Variants in TAB3 observed in about 807,000 individuals in gnomAD.
TAB3 encodes TGF-beta activated kinase 1 (MAP3K7) binding protein 3.
TAB3 carries 18 observed loss-of-function variants against 48.1 expected under a neutral mutation model. The observed-to-expected ratio is 0.37, with a 90% confidence interval of 0.26 to 0.55. The LOEUF is 0.55. Among genes scored for constraint, TAB3 ranks in the 20% least tolerant of loss-of-function variants. The pLI, the probability that TAB3 is intolerant of heterozygous loss-of-function variation, is 0.78. For synonymous variants in TAB3, 185 were observed against 190.2 expected, an observed-to-expected ratio of 0.97 and a Z score of 0.22; for missense variants, 414 against 549.8, an observed-to-expected ratio of 0.75 and a Z score of 2.47.
chrX:30,833,591 G>T (rs1303199782), intron 10 of TAB3, among the ~76,000 whole-genome samples: 1 of 110,311 alleles, frequency 9.1e-6, no homozygotes, highest in Admixed American at 9.6e-5. Context: ...CAGCACTTTG[G>T]GAGGCTGAGG....
chrX:30,863,074 A>G (rs1939297337), intron 4 of TAB3, among the ~76,000 whole-genome samples: 1 of 112,762 alleles, frequency 8.9e-6, no homozygotes, highest in South Asian at 3.6e-4. Flanking sequence ...AAAAATGGCT[A>G]CCATCTGAAA....
At chrX:30,844,022 A>G (rs147280760) in intron 8 of TAB3, 16 of 110,402 alleles carry the variant, frequency 1.4e-4, no homozygotes, top group African/African-American at 4.0e-4. Context: ...AAAAATCACA[A>G]AAAAGCTGGT....
intron 10 of TAB3, among the ~76,000 whole-genome samples, chrX:30,832,747 G>C (rs1266808748): frequency 9.0e-6 from 1 of 111,525 alleles, no homozygotes; most frequent in Admixed American, 9.5e-5. Flanking sequence ...GGATATAACA[G>C]AAAATTACTG....
intron 7 of TAB3, among the ~76,000 whole-genome samples, chrX:30,848,845 G>A (rs1232649858): frequency 2.7e-5 from 3 of 110,136 alleles, no homozygotes; most frequent in Non-Finnish European, 5.7e-5. Flanking sequence ...GACCACTGAT[G>A]TTCTTTGGTG....
At chrX:30,848,382 C>T (rs1307931530) in intron 7 of TAB3, among the ~76,000 whole-genome samples, 3 of 111,153 alleles carry the variant, frequency 2.7e-5, no homozygotes, top group South Asian at 3.8e-4. Context: ...ATTAGCTGGG[C>T]GTGGTGGTGC....
At chrX:30,853,656 C>CT (rs756064074) in intron 6 of TAB3, among the ~76,000 whole-genome samples, 36 of 112,493 alleles carry the variant, frequency 3.2e-4, no homozygotes, top group African/African-American at 1.2e-3. Context: ...ATACATGACT[C>CT]TGAAGCACTA....
At chrX:30,863,416 G>A (rs1288250515) in intron 4 of TAB3, among the ~76,000 whole-genome samples, 2 of 111,992 alleles carry the variant, frequency 1.8e-5, no homozygotes, top group Non-Finnish European at 3.8e-5. Flanking sequence ...TTGGATGTTT[G>A]TCCCCTCCAA....
chrX:30,856,897 C>G (rs930451296), intron 5 of TAB3, among the ~76,000 whole-genome samples: 3 of 111,188 alleles, frequency 2.7e-5, no homozygotes, highest in Non-Finnish European at 5.7e-5. Context: ...TCTTATTCTC[C>G]TGAGTCCCAG....
intron 5 of TAB3, among the ~76,000 whole-genome samples, chrX:30,858,908 A>G (rs1428598651): frequency 9.0e-6 from 1 of 111,596 alleles, no homozygotes; most frequent in African/African-American, 3.3e-5. Flanking sequence ...TTAAAATTAG[A>G]TATCGGTAAG....
intron 1 of TAB3, among the ~76,000 whole-genome samples, chrX:30,879,339 C>T (rs946464448): frequency 3.6e-5 from 4 of 111,786 alleles, no homozygotes; most frequent in Non-Finnish European, 7.5e-5. Context: ...AAGGACAGTA[C>T]AAGAAAAACA....
intron 7 of TAB3, among the ~76,000 whole-genome samples, chrX:30,851,272 CCT>C (rs1217889444): frequency 2.7e-5 from 3 of 111,647 alleles, no homozygotes; most frequent in Non-Finnish European, 5.6e-5. Context: ...CCACTTGTTC[CCT>C]GTTACCAGGA....
chrX:30,852,988 A>G, intron 6 of TAB3, 50 bp from the exon 7 acceptor site: 1 of 1,169,394 alleles, frequency 8.6e-7, no homozygotes, highest in Non-Finnish European at 1.2e-6. Context: ...TGAACAAGCG[A>G]CTGGAAAATT....
chrX:30,883,314 C>T (rs1171049383), intron 1 of TAB3, among the ~76,000 whole-genome samples: 1 of 111,695 alleles, frequency 9.0e-6, no homozygotes, highest in Non-Finnish European at 1.9e-5. Context: ...TTAAAAAATA[C>T]ATAACACTTC....
chrX:30,846,206 C>T, intron 8 of TAB3: 1 of 465,954 alleles, frequency 2.1e-6, no homozygotes, highest in Non-Finnish European at 3.0e-6. Flanking sequence ...TCCCTTTTTA[C>T]AGATATTTTA....
rs1372020778 is a variant in TAB3, at chrX:30,877,097, G to C, written c.-382-5296C>G. ...AAGCATCCTGATGGAGGGGCAGCAG[G>C]GGCAGAGGTGGGGAGATTACTTTCA... On this transcript the variant is annotated intron_variant, in intron 1 of 10. Transcript: ENST00000288422. Among the ~76,000 whole-genome samples, 3 of 111,885 alleles carry C rather than the reference G, an allele frequency of 2.7e-5. 1 individual carries two copies. Among genetic ancestry groups the C allele is most frequent in the Non-Finnish European group, 5.6e-5 (3 of 53,173 alleles).
At chrX:30,850,054 A>G (rs895682720) in intron 7 of TAB3, among the ~76,000 whole-genome samples, 1 of 111,989 alleles carries the variant, frequency 8.9e-6, no homozygotes, top group Admixed American at 9.5e-5. Flanking sequence ...TAGATAAGAA[A>G]ACAAGCATAG....
Position 30,854,421 on chromosome X carries a change from G to C in TAB3, c.1244C>G (p.Ser415Cys). 1.7e-6 allele frequency: 2 copies of C among 1,211,558 alleles called. No homozygotes were observed. Among genetic ancestry groups the C allele is most frequent in the Non-Finnish European group, 1.1e-6 (1 of 895,314 alleles). Residue 415 changes from serine to cysteine, a missense_variant, in exon 6 of 11, where the codon TCT (serine) becomes TGT (cysteine). Ser to Cys is a moderately radical substitution (Grantham distance 112). Coordinates refer to ENST00000288422, the MANE Select transcript of TAB3 (RefSeq NM_152787.5). ...PPSSSPSRGISSQPKPPFSVN... is the reference protein window; with the variant it reads ...PPSSSPSRGICSQPKPPFSVN... ...ACTAAATGGAGGTTTTGGTTGACTA[G>C]ATATCCCTCTTGAAGGAGAACTTGA...
At chrX:30,885,837 A>C in intron 1 of TAB3, among the ~76,000 whole-genome samples, 1 of 111,728 alleles carries the variant, frequency 9.0e-6, no homozygotes, top group East Asian at 2.8e-4. Context: ...AAGAGATCTT[A>C]TCCGCATCCC....
intron 1 of TAB3, among the ~76,000 whole-genome samples, chrX:30,874,717 G>C: frequency 8.9e-6 from 1 of 111,967 alleles, no homozygotes; most frequent in Non-Finnish European, 1.9e-5. Context: ...TGACTCTATT[G>C]CTGGAAAAGA....
Sources: gnomAD v4.1 joint callset for allele counts (sites outside exome capture counted in the v4.1 genomes callset) on GRCh38, gnomAD v4.1.1 for gene constraint, MANE v1.5 for transcripts, NCBI Gene and HGNC (gene_info 2026-07-23, HGNC 2026-07-21) for gene names.